The following LHX8 variants were observed in gnomAD, a reference collection of about 807,000 sequenced individuals.
LHX8 encodes LIM homeobox 8, also known as LIM/homeobox protein Lhx8.
LHX8 carries 12 observed loss-of-function variants against 40.3 expected under a neutral mutation model. The ratio of observed to expected loss-of-function variants is 0.30; its 90% CI spans 0.19 to 0.48. The LOEUF (loss-of-function observed/expected upper bound fraction) is 0.48, where lower values mean the gene tolerates loss of function less well. Among genes scored for constraint, LHX8 ranks in the 20% least tolerant of loss-of-function variants. LHX8 has a pLI of 0.99. For missense variants in LHX8, 344 were observed against 433.7 expected (o/e 0.79, Z 1.84); for synonymous variants, 179 against 162.0 (o/e 1.10, Z -0.80).
chr1:75,149,653 T>G (rs2100349958), intron 7 of LHX8, among the ~76,000 whole-genome samples: 1 of 152,194 alleles, frequency 6.6e-6, no homozygotes, highest in South Asian at 2.1e-4. Context: ...TCTCAGGTGA[T>G]CCTCCCACCT....
At position 75,161,401 on chromosome 1, in the gene LHX8, T is replaced by G. The variant is rs1329776109; in HGVS notation, c.*506T>G. Reference sequence around the variant, plus strand: ...TTTTCTGAATGAACTGAATAAAGCTTCTGTTGTAGCATGCCATGCAAACAC... The same window carrying G: ...TTTTCTGAATGAACTGAATAAAGCTGCTGTTGTAGCATGCCATGCAAACAC... On this transcript the variant is annotated 3_prime_UTR_variant, in exon 9 of 9. Transcript: ENST00000356261. 1 of 165,842 alleles carries G rather than the reference T, an allele frequency of 6.0e-6. No individual in the cohort carries two copies. Among genetic ancestry groups the G allele is most frequent in the Non-Finnish European group, 1.3e-5 (1 of 76,778 alleles). The allele number at this position is 165,842 out of a possible 1,614,324, so 10.3% of individuals were successfully genotyped here. A position where few individuals can be genotyped will look rare whatever the true frequency, so the allele number is the denominator to read the frequency against.
At chr1:75,158,847 T>G (rs1243201702) in intron 8 of LHX8, among the ~76,000 whole-genome samples, 1 of 152,178 alleles carries the variant, frequency 6.6e-6, no homozygotes, top group African/African-American at 2.4e-5. Flanking sequence ...TCATAAAATT[T>G]ACCTACTTGT....
chr1:75,177,056 A>G, the LHX8 span, among the ~76,000 whole-genome samples: 1 of 152,166 alleles, frequency 6.6e-6, no homozygotes, highest in Admixed American at 6.5e-5. Context: ...TACCAGTACC[A>G]TGCTTTTTTG....
rs1159382312 is a variant in LHX8 at position 75,161,072 on chromosome 1, T to C, written c.*177T>C. On this transcript the variant is annotated 3_prime_UTR_variant, in exon 9 of 9. Coordinates refer to ENST00000356261, the MANE Select transcript of LHX8 (RefSeq NM_001256114.2). ...GCCTGCAAGACACTTTTATTAATTC[T>C]TCATTTTTTGTAAAACTTATGTTTA... The C allele has an allele frequency of 8.5e-6, 5 of 588,680 alleles. No homozygotes were observed. Among genetic ancestry groups the C allele is most frequent in the Non-Finnish European group, 1.5e-5 (5 of 331,910 alleles). The allele number at this position is 588,680 out of a possible 1,614,324, so 36.5% of individuals were successfully genotyped here. A position where few individuals can be genotyped will look rare whatever the true frequency, so the allele number is the denominator to read the frequency against.
the LHX8 span, among the ~76,000 whole-genome samples, chr1:75,185,159 C>G: frequency 6.6e-6 from 1 of 151,768 alleles, no homozygotes; most frequent in African/African-American, 2.4e-5. Context: ...AGATTCAAAG[C>G]CAAATTCTAC....
chr1:75,129,776 GGGA>G (rs1444950483), upstream of LHX8, among the ~76,000 whole-genome samples: 4 of 152,318 alleles, frequency 2.6e-5, no homozygotes, highest in South Asian at 2.1e-4. Flanking sequence ...GATGTGGAAG[GGGA>G]GGAGAAGCCT....
upstream of LHX8, chr1:75,130,662 A>G (rs1006617180): frequency 6.5e-7 from 1 of 1,537,396 alleles, no homozygotes; most frequent in Non-Finnish European, 9.0e-7. Flanking sequence ...GGAGTCTGGG[A>G]CCGGTAAGTC....
chr1:75,191,228 G>A, the LHX8 span, among the ~76,000 whole-genome samples: 2,286 of 151,754 alleles, frequency 0.015, 60 homozygotes, highest in African/African-American at 0.052. Flanking sequence ...AGAATGAAGA[G>A]CAAAAAACTT....
chr1:75,171,999 T>G, the LHX8 span, among the ~76,000 whole-genome samples: 1 of 152,184 alleles, frequency 6.6e-6, no homozygotes, highest in Non-Finnish European at 1.5e-5. Flanking sequence ...AGGGATGTGC[T>G]GGTAGAATAA....
chr1:75,167,134 G>T, the LHX8 span, among the ~76,000 whole-genome samples: 1 of 152,186 alleles, frequency 6.6e-6, no homozygotes, highest in Non-Finnish European at 1.5e-5. Flanking sequence ...TGGCAGTAGG[G>T]CTGAAGCTAC....
chr1:75,168,962 A>G, the LHX8 span, among the ~76,000 whole-genome samples: 1 of 152,118 alleles, frequency 6.6e-6, no homozygotes, highest in Non-Finnish European at 1.5e-5. Context: ...CCGGGCTTCC[A>G]CCCCTTTCCC....
intron 2 of LHX8, 90 bp downstream of exon 2, chr1:75,136,779 G>A: frequency 1.2e-6 from 1 of 821,924 alleles, no homozygotes; most frequent in Non-Finnish European, 1.8e-6. Flanking sequence ...TCCTTCCAGG[G>A]CCCAGCTGGC....
chr1:75,168,582 T>A, the LHX8 span, among the ~76,000 whole-genome samples: 1 of 152,080 alleles, frequency 6.6e-6, no homozygotes. Context: ...TCTTTTTTTT[T>A]AAAGAGAGAG....
Position 75,160,880 on chromosome 1 carries a change from A to C in LHX8, c.1026A>C (p.Pro342=). ...PLLPHSMTQL[P]ISHT The stretch of plus-strand genomic sequence containing the variant: ...TACCCCATTCAATGACACAACTGCC[A>C]ATAAGTCATACCTAATTCTTTTTTC... Residue 342 remains proline, a synonymous_variant, in exon 9 of 9, where the codon CCA becomes CCC. Transcript: ENST00000356261. 1 of 1,611,610 alleles carries C rather than the reference A, an allele frequency of 6.2e-7. No homozygotes were observed.
At chr1:75,187,825 C>A in the LHX8 span, among the ~76,000 whole-genome samples, 2 of 152,098 alleles carry the variant, frequency 1.3e-5, no homozygotes, top group Non-Finnish European at 2.9e-5. Flanking sequence ...AAGGAAGATT[C>A]CTAGGGACAG....
the LHX8 span, among the ~76,000 whole-genome samples, chr1:75,171,203 T>C: frequency 5.9e-5 from 9 of 152,174 alleles, no homozygotes; most frequent in African/African-American, 2.2e-4. Flanking sequence ...TGATTTTTTT[T>C]TAATTCCATG....
chr1:75,158,197 A>G (rs1648821743), intron 8 of LHX8, among the ~76,000 whole-genome samples: 1 of 152,232 alleles, frequency 6.6e-6, no homozygotes, highest in Non-Finnish European at 1.5e-5. Flanking sequence ...GAAGAGCTGT[A>G]CAAGTCTTTT....
At chr1:75,133,756 C>A (rs1242985361), upstream of LHX8, among the ~76,000 whole-genome samples, 1 of 152,186 alleles carries the variant, frequency 6.6e-6, no homozygotes, top group Non-Finnish European at 1.5e-5. Flanking sequence ...GACAAGGCTG[C>A]TCGGGCTTAC....
At chr1:75,182,820 T>C in the LHX8 span, among the ~76,000 whole-genome samples, 72 of 152,358 alleles carry the variant, frequency 4.7e-4, no homozygotes, top group Admixed American at 9.1e-4. Flanking sequence ...TGGTTCTTTT[T>C]TGGTTCCATA....
Sources: gnomAD v4.1 joint callset for allele counts (sites outside exome capture counted in the v4.1 genomes callset) on GRCh38, gnomAD v4.1.1 for gene constraint, MANE v1.5 for transcripts, NCBI Gene and HGNC (gene_info 2026-07-23, HGNC 2026-07-21) for gene names.